The following MAGI2 variants were observed in gnomAD, a reference collection of about 807,000 sequenced individuals.
MAGI2 encodes membrane associated guanylate kinase, WW and PDZ domain containing 2.
MAGI2 carries 35 observed loss-of-function variants against 133.3 expected under a neutral mutation model. That is an observed-to-expected ratio of 0.26 (90% CI 0.20 to 0.35). The LOEUF is 0.35. Among genes scored for constraint, MAGI2 ranks in the 10% least tolerant of loss-of-function variants. The pLI is 1.00. For missense variants in MAGI2, 1,636 were observed against 1,863.4 expected (o/e 0.88, Z 2.25); for synonymous variants, 729 against 710.6 (o/e 1.03, Z -0.41).
chr7:78,040,675 C>A (rs1352175901), intron 21 of MAGI2, among the ~76,000 whole-genome samples: 2 of 152,210 alleles, frequency 1.3e-5, no homozygotes, highest in Non-Finnish European at 2.9e-5. Flanking sequence ...TTGGAGACAG[C>A]CCTGAGTCAG....
At chr7:78,311,250 T>G (rs1449254393) in intron 9 of MAGI2, among the ~76,000 whole-genome samples, 1 of 151,978 alleles carries the variant, frequency 6.6e-6, no homozygotes, top group Admixed American at 6.5e-5. Flanking sequence ...AGTAGAAAGA[T>G]GAAAAAGAAA....
chr7:79,194,169 T>C (rs1391532595), intron 1 of MAGI2, among the ~76,000 whole-genome samples: 1 of 151,914 alleles, frequency 6.6e-6, no homozygotes, highest in Non-Finnish European at 1.5e-5. Flanking sequence ...GGAGAAATTA[T>C]TTTTTAGAGA....
chr7:79,290,190 T>C (rs1468854874), intron 1 of MAGI2, among the ~76,000 whole-genome samples: 1 of 152,012 alleles, frequency 6.6e-6, no homozygotes, highest in Non-Finnish European at 1.5e-5. Context: ...TATTATTGGT[T>C]ACAATGATAA....
At chr7:78,453,289 C>T (rs1019947027) in intron 6 of MAGI2, among the ~76,000 whole-genome samples, 2 of 152,140 alleles carry the variant, frequency 1.3e-5, no homozygotes, top group South Asian at 2.1e-4. Flanking sequence ...ACTTCATTAA[C>T]ATCATATAAT....
intron 2 of MAGI2, among the ~76,000 whole-genome samples, chr7:78,977,325 A>G (rs1398634241): frequency 1.3e-5 from 2 of 151,504 alleles, no homozygotes; most frequent in African/African-American, 2.4e-5. Context: ...AGGCAATTCA[A>G]TGAAGGAACC....
intron 9 of MAGI2, among the ~76,000 whole-genome samples, chr7:78,319,763 G>C (rs1787806543): frequency 6.6e-6 from 1 of 152,026 alleles, no homozygotes; most frequent in African/African-American, 2.4e-5. Context: ...CAGAAGACAA[G>C]AAATAACTAA....
At chr7:78,937,550 T>C (rs1688883553) in intron 2 of MAGI2, among the ~76,000 whole-genome samples, 1 of 152,102 alleles carries the variant, frequency 6.6e-6, no homozygotes, top group Non-Finnish European at 1.5e-5. Context: ...ATCTTTTCTG[T>C]GGAAAACATG....
At chr7:79,391,972 G>A (rs1482156941) in intron 1 of MAGI2, among the ~76,000 whole-genome samples, 1 of 152,044 alleles carries the variant, frequency 6.6e-6, no homozygotes, top group East Asian at 1.9e-4. Context: ...AGCCCTGCAT[G>A]CATTAGATAT....
intron 1 of MAGI2, among the ~76,000 whole-genome samples, chr7:79,190,736 C>T (rs74525964): frequency 0.017 from 2,552 of 151,852 alleles, 104 homozygotes; most frequent in African/African-American, 0.058. Context: ...AACCCTTCTA[C>T]GGTTTCTGCC....
intron 9 of MAGI2, among the ~76,000 whole-genome samples, chr7:78,264,363 T>A (rs1293214727): frequency 6.6e-6 from 1 of 152,158 alleles, no homozygotes; most frequent in Non-Finnish European, 1.5e-5. Context: ...TATTTTGAGT[T>A]GAGGACTCTT....
chr7:78,856,173 T>C lies in MAGI2; in HGVS notation c.418+150917A>G, dbSNP rs987942476. ...ATTAGCCCTTTGTCAGATGGGTAGA[T>C]TGAAAAATTTTCTCTCATTCTGTAG... is the stretch of plus-strand genomic sequence containing the variant. On this transcript the variant is annotated intron_variant, in intron 2 of 21. Coordinates refer to ENST00000354212, the MANE Select transcript of MAGI2 (RefSeq NM_012301.4). 5.9e-5 allele frequency among the ~76,000 whole-genome samples: 9 copies of C among 152,354 alleles called. 1 individual carries two copies. The highest frequency in any genetic ancestry group is 5.2e-4 in the Admixed American group (8 of 15,306).
chr7:78,861,192 C>T lies in MAGI2; in HGVS notation c.418+145898G>A, dbSNP rs535592599. 1.4e-3 allele frequency among the ~76,000 whole-genome samples: 217 copies of T among 152,302 alleles called. 1 individual carries two copies. The highest frequency in any genetic ancestry group is 4.7e-3 in the African/African-American group (195 of 41,574). On this transcript the variant is annotated intron_variant, in intron 2 of 21. Coordinates refer to ENST00000354212, the MANE Select transcript of MAGI2 (RefSeq NM_012301.4). ...GAATTCCCCGACCCCTTGCACTTCCCGGGTGAGGCGATGCCCCGCCCTGCT... is the reference window on the plus strand; with the variant it reads ...GAATTCCCCGACCCCTTGCACTTCCTGGGTGAGGCGATGCCCCGCCCTGCT...
intron 2 of MAGI2, among the ~76,000 whole-genome samples, chr7:78,924,831 T>C (rs544986587): frequency 2.5e-4 from 37 of 150,808 alleles, no homozygotes; most frequent in African/African-American, 9.0e-4. Flanking sequence ...AAATCCCTTC[T>C]ACATTATTAT....
intron 1 of MAGI2, among the ~76,000 whole-genome samples, chr7:79,054,232 A>C (rs2117014072): frequency 6.6e-6 from 1 of 152,262 alleles, no homozygotes; most frequent in Admixed American, 6.5e-5. Flanking sequence ...GTTTCATGTA[A>C]GTACATACAG....
chr7:78,125,320 G>GA (rs1188748176), intron 20 of MAGI2, among the ~76,000 whole-genome samples: 1 of 152,062 alleles, frequency 6.6e-6, no homozygotes, highest in African/African-American at 2.4e-5. Context: ...CAATATGGGG[G>GA]AAAAAGCACA....
chr7:79,259,452 G>C (rs535813067), intron 1 of MAGI2, among the ~76,000 whole-genome samples: 2 of 152,202 alleles, frequency 1.3e-5, no homozygotes, highest in South Asian at 4.2e-4. Context: ...CTACATTGAG[G>C]AGGCATACCT....
intron 1 of MAGI2, among the ~76,000 whole-genome samples, chr7:79,446,344 C>CA (rs1464345955): frequency 6.6e-6 from 1 of 152,042 alleles, no homozygotes; most frequent in East Asian, 1.9e-4. Flanking sequence ...TCAACATAGA[C>CA]AAAATCTCTC....
At position 78,263,244 on chromosome 7, in the gene MAGI2, T is replaced by C. The variant is rs551902115; in HGVS notation, c.1409-6663A>G. On this transcript the variant is annotated intron_variant, in intron 9 of 21. Transcript: ENST00000354212. ...TTGGTAGGCACCTAGATTGATTCCA[T>C]GCCTTTGCTATTGTGAAGAGCACTG... Among the ~76,000 whole-genome samples the C allele has an allele frequency of 5.3e-5, 8 of 152,326 alleles. No individual in the cohort carries two copies. In the South Asian group the frequency reaches 1.7e-3, roughly 32 times the overall value.
intron 6 of MAGI2, among the ~76,000 whole-genome samples, chr7:78,470,932 G>A (rs567343059): frequency 2.0e-5 from 3 of 152,160 alleles, no homozygotes; most frequent in South Asian, 2.1e-4. Flanking sequence ...ATATGTTAAC[G>A]TGCCTTTGAG....
Sources: allele counts gnomAD v4.1 joint callset (sites outside exome capture counted in the v4.1 genomes callset), GRCh38; gene constraint gnomAD v4.1.1; transcripts MANE v1.5; gene names NCBI Gene and HGNC (gene_info 2026-07-23, HGNC 2026-07-21).